Variants in PLD5 observed in about 807,000 individuals in gnomAD.
The protein encoded by PLD5 is inactive phospholipase D5.
Under a neutral mutation model 61.1 loss-of-function variants are expected in PLD5, and 36 were observed. The ratio of observed to expected loss-of-function variants is 0.59; its 90% CI spans 0.45 to 0.78. The LOEUF (loss-of-function observed/expected upper bound fraction) is 0.78, where lower values mean the gene tolerates loss of function less well. Among genes scored for constraint, PLD5 ranks in the 30% least tolerant of loss-of-function variants. PLD5 has a pLI of 0.00. For missense variants in PLD5, 515 were observed against 644.4 expected (o/e 0.80, Z 2.17); for synonymous variants, 243 against 242.8 (o/e 1.00, Z -0.01).
chr1:242,385,008 C>T (rs1475663377), intron 1 of PLD5, among the ~76,000 whole-genome samples: 2 of 152,164 alleles, frequency 1.3e-5, no homozygotes, highest in African/African-American at 2.4e-5. Flanking sequence ...TCTTTTGTGC[C>T]AAAAAGCAAG....
intron 2 of PLD5, among the ~76,000 whole-genome samples, chr1:242,313,762 A>G (rs1476631119): frequency 2.6e-5 from 4 of 151,612 alleles, no homozygotes; most frequent in Non-Finnish European, 5.9e-5. Flanking sequence ...AACAAATACA[A>G]TGCCTTTTTT....
At chr1:242,349,985 C>T (rs1660382238) in intron 1 of PLD5, among the ~76,000 whole-genome samples, 1 of 152,008 alleles carries the variant, frequency 6.6e-6, no homozygotes, top group Non-Finnish European at 1.5e-5. Context: ...CTGCAGTGCA[C>T]TATGACTGTG....
intron 1 of PLD5, among the ~76,000 whole-genome samples, chr1:242,436,684 G>T (rs1666012439): frequency 6.6e-6 from 1 of 152,136 alleles, no homozygotes; most frequent in Admixed American, 6.6e-5. Flanking sequence ...ACCTTAAGGG[G>T]TTAAGGATTT....
intron 1 of PLD5, among the ~76,000 whole-genome samples, chr1:242,403,631 A>ATT (rs113523002): frequency 6.6e-6 from 1 of 151,658 alleles, no homozygotes; most frequent in African/African-American, 2.4e-5. Context: ...GGCCTGGGTA[A>ATT]TTTTTTGTAT....
At chr1:242,188,825 T>G (rs1272796662) in intron 5 of PLD5, 3 of 152,186 alleles carry the variant, frequency 2.0e-5, no homozygotes, top group African/African-American at 7.2e-5. Context: ...GCAGAAGTAC[T>G]TCGTAATTCA....
rs763130434 is a variant in PLD5 at position 242,293,903 on chromosome 1, C to T, written c.327-5373G>A. Among the ~76,000 whole-genome samples the T allele has an allele frequency of 8.9e-4, 135 of 152,172 alleles. 1 individual carries two copies. The highest frequency in any genetic ancestry group is 5.6e-4 in the Non-Finnish European group (38 of 68,026). Reference sequence around the variant, plus strand: ...AAACCAGCTTTGAAATGACTTATTTCTGTGACCTATAGTTTTATTTCTTTT... The same window carrying T: ...AAACCAGCTTTGAAATGACTTATTTTTGTGACCTATAGTTTTATTTCTTTT... On this transcript the variant is annotated intron_variant, in intron 2 of 9. Transcript: ENST00000536534.
rs1172772416 is a variant in PLD5 at position 242,196,374 on chromosome 1, G to GACAA, written c.735+23613_735+23614insTTGT. Among the ~76,000 whole-genome samples, 11 of 152,242 alleles carry GACAA rather than the reference G, an allele frequency of 7.2e-5. No individual in the cohort carries two copies. The East Asian group carries it at 2.1e-3, about 29-fold the overall frequency. On this transcript the variant is annotated intron_variant, in intron 5 of 9. Coordinates refer to ENST00000536534, the MANE Select transcript of PLD5 (RefSeq NM_001372062.1). ...ATCATCCCAACTCCATTTTACAACC[G>GACAA]ATACCCTGCAGGTGCAGGCTCGGAT...
chr1:242,493,928 T>A (rs928114844), intron 1 of PLD5, among the ~76,000 whole-genome samples: 1 of 152,242 alleles, frequency 6.6e-6, no homozygotes. Flanking sequence ...GAAAAGGAAT[T>A]AAGCAATGAG....
At chr1:242,517,794 T>C (rs574438203) in intron 1 of PLD5, among the ~76,000 whole-genome samples, 10 of 152,322 alleles carry the variant, frequency 6.6e-5, no homozygotes, top group Non-Finnish European at 1.3e-4. Context: ...GTCAAATAAG[T>C]GCTTGTTGAA....
At chr1:242,247,784 T>C (rs1398914298) in intron 4 of PLD5, among the ~76,000 whole-genome samples, 1 of 152,216 alleles carries the variant, frequency 6.6e-6, no homozygotes, top group Non-Finnish European at 1.5e-5. Flanking sequence ...TTTTGGATGA[T>C]TGGTATTCCA....
chr1:242,349,725 A>G (rs1398183702), intron 1 of PLD5, among the ~76,000 whole-genome samples: 1 of 152,156 alleles, frequency 6.6e-6, no homozygotes, highest in African/African-American at 2.4e-5. Context: ...AGGAGCTGTG[A>G]CCACTGTGAC....
intron 1 of PLD5, among the ~76,000 whole-genome samples, chr1:242,429,486 A>T (rs906721278): frequency 3.3e-5 from 5 of 152,168 alleles, no homozygotes; most frequent in African/African-American, 4.8e-5. Flanking sequence ...GCCTTAAGTG[A>T]TTCTCCTGCC....
intron 5 of PLD5, among the ~76,000 whole-genome samples, chr1:242,135,123 G>T (rs572054399): frequency 6.6e-6 from 1 of 152,156 alleles, no homozygotes; most frequent in Non-Finnish European, 1.5e-5. Flanking sequence ...GCATACGGTT[G>T]TTGGGATAAT....
intron 4 of PLD5, among the ~76,000 whole-genome samples, chr1:242,259,561 C>T (rs1477625667): frequency 1.3e-5 from 2 of 151,960 alleles, no homozygotes; most frequent in African/African-American, 2.4e-5. Context: ...GTTTCAAATG[C>T]CTTATTATTA....
Position 242,114,007 on chromosome 1 carries a change from CAA to C in PLD5, c.951_952del (p.Phe317LeufsTer3). On this transcript the variant is annotated frameshift_variant, in exon 7 of 10. Coordinates refer to ENST00000536534, the MANE Select transcript of PLD5 (RefSeq NM_001372062.1). LOFTEE classifies it high-confidence loss of function. ...TATGTCAAAACTTCTGTTTTTAGGG[CAA>C]AAGAGTTTTGGAGAATTCTGTGAAG... 1 of 1,613,262 alleles carries C rather than the reference CAA, an allele frequency of 6.2e-7. No homozygotes were observed. The highest frequency in any genetic ancestry group is 8.5e-7 in the Non-Finnish European group (1 of 1,179,670).
intron 1 of PLD5, among the ~76,000 whole-genome samples, chr1:242,500,376 T>G (rs1668514743): frequency 6.6e-6 from 1 of 152,220 alleles, no homozygotes; most frequent in Non-Finnish European, 1.5e-5. Context: ...TTTCTGATAA[T>G]CAACTGTCCA....
At chr1:242,417,553 G>A (rs993216704) in intron 1 of PLD5, among the ~76,000 whole-genome samples, 4 of 152,222 alleles carry the variant, frequency 2.6e-5, no homozygotes, top group Non-Finnish European at 5.9e-5. Context: ...TGTGTGTGGG[G>A]TAGCCCTGCT....
intron 2 of PLD5, among the ~76,000 whole-genome samples, chr1:242,304,789 C>G (rs1281225422): frequency 3.3e-5 from 5 of 152,106 alleles, no homozygotes; most frequent in Admixed American, 6.5e-5. Flanking sequence ...TTCTATAAAA[C>G]AAATAACAGT....
At chr1:242,489,802 G>T (rs1157245903) in intron 1 of PLD5, among the ~76,000 whole-genome samples, 3 of 152,192 alleles carry the variant, frequency 2.0e-5, no homozygotes, top group African/African-American at 7.2e-5. Context: ...AATTTCAAAG[G>T]ATTTCACCAA....
Sources: gnomAD v4.1 joint callset for allele counts (sites outside exome capture counted in the v4.1 genomes callset) on GRCh38, gnomAD v4.1.1 for gene constraint, MANE v1.5 for transcripts, NCBI Gene and HGNC (gene_info 2026-07-23, HGNC 2026-07-21) for gene names.